Variants in ACSM1 observed in about 807,000 individuals in gnomAD.
ACSM1 encodes the protein acyl-CoA synthetase medium chain family member 1.
ACSM1 carries 79 observed loss-of-function variants against 75.8 expected under a neutral mutation model. The ratio of observed to expected loss-of-function variants is 1.04; its 90% CI spans 0.87 to 1.26. ACSM1 has a LOEUF of 1.26. Ranked by LOEUF, ACSM1 falls within the 50% of genes most tolerant of loss-of-function variation. The pLI, the probability that ACSM1 is intolerant of heterozygous loss-of-function variation, is 0.00. For missense variants in ACSM1, 676 were observed against 720.1 expected, an observed-to-expected ratio of 0.94 and a Z score of 0.70; for synonymous variants, 279 against 265.8, an observed-to-expected ratio of 1.05 and a Z score of -0.48.
chr16:20,636,619 G>T, intron 10 of ACSM1, 120 bp downstream of exon 10: 1 of 723,032 alleles, frequency 1.4e-6, no homozygotes, highest in Non-Finnish European at 2.4e-6. Context: ...CGAGTTGAAT[G>T]AAAACTCATT....
At chr16:20,650,862 G>A (rs2152236660) in intron 7 of ACSM1, among the ~76,000 whole-genome samples, 1 of 152,124 alleles carries the variant, frequency 6.6e-6, no homozygotes, top group East Asian at 1.9e-4. Flanking sequence ...GCAGACTATA[G>A]AGTACATAGC....
intron 7 of ACSM1, among the ~76,000 whole-genome samples, chr16:20,651,178 C>G (rs1422061855): frequency 6.6e-6 from 1 of 152,126 alleles, no homozygotes; most frequent in East Asian, 1.9e-4. Flanking sequence ...CTTTAATATG[C>G]AAATTTAAGA....
chr16:20,633,306 A>G (rs1225290064), intron 10 of ACSM1, among the ~76,000 whole-genome samples: 2 of 152,238 alleles, frequency 1.3e-5, no homozygotes, highest in Non-Finnish European at 2.9e-5. Flanking sequence ...CTAATACATA[A>G]ATTCAGTAAA....
At chr16:20,627,524 T>C (rs1254465050) in intron 10 of ACSM1, among the ~76,000 whole-genome samples, 2 of 152,104 alleles carry the variant, frequency 1.3e-5, no homozygotes, top group Non-Finnish European at 2.9e-5. Context: ...CCAATTTCAA[T>C]GACAATGTTT....
chr16:20,626,013 T>C (rs1425836761), intron 11 of ACSM1, among the ~76,000 whole-genome samples: 2 of 152,342 alleles, frequency 1.3e-5, no homozygotes, highest in East Asian at 1.9e-4. Context: ...TAATTGCCTT[T>C]TTTTTCTTTT....
In ACSM1 at chr16:20,634,224, G is replaced by A. The variant is rs370356302; in HGVS notation, c.1299+2515C>T. On this transcript the variant is annotated intron_variant, in intron 10 of 13. Coordinates refer to ENST00000520010, the MANE Select transcript of ACSM1 (RefSeq NM_001318890.3). ...CACATACAAAAGTTAACTCAAAATGGATCAAAAATATTCTGGTGGGTATAT... is the reference window on the plus strand; with the variant it reads ...CACATACAAAAGTTAACTCAAAATGAATCAAAAATATTCTGGTGGGTATAT... Among the ~76,000 whole-genome samples, 32 of 152,246 alleles carry A rather than the reference G, an allele frequency of 2.1e-4. No individual in the cohort carries two copies. The East Asian group carries it at 5.8e-3, about 28-fold the overall frequency.
At chr16:20,627,882 AT>A (rs2017073520) in intron 10 of ACSM1, among the ~76,000 whole-genome samples, 4 of 13,508 alleles carry the variant, frequency 3.0e-4, no homozygotes, top group African/African-American at 6.5e-4. Flanking sequence ...ATATATATAT[AT>A]ATATATATAT....
chr16:20,625,382 G>T, intron 12 of ACSM1, 41 bp downstream of exon 12: 2 of 1,591,550 alleles, frequency 1.3e-6, no homozygotes, highest in South Asian at 1.1e-5. Context: ...TGCTTTCCTA[G>T]TGCCCACGCA....
intron 7 of ACSM1, among the ~76,000 whole-genome samples, chr16:20,658,887 C>A (rs1003430643): frequency 3.9e-5 from 6 of 152,112 alleles, no homozygotes; most frequent in East Asian, 1.9e-4. Flanking sequence ...GTTGAAATAA[C>A]CCTTAATAAG....
intron 3 of ACSM1, among the ~76,000 whole-genome samples, chr16:20,684,812 T>A (rs960464501): frequency 8.6e-5 from 13 of 152,046 alleles, no homozygotes; most frequent in Non-Finnish European, 1.6e-4. Flanking sequence ...TTTAAAAAAG[T>A]AAGACTCTCT....
rs1417162759 is a variant in ACSM1, at chr16:20,627,273, T to C, written c.1343A>G (p.Tyr448Cys). The change falls in exon 11 of 14, where the codon TAC (tyrosine) becomes TGC (cysteine). Residue 448 changes from tyrosine (Y) to cysteine (C), a missense_variant. By Grantham distance (194) the Tyr-to-Cys change is radical. Coordinates refer to ENST00000520010, the MANE Select transcript of ACSM1 (RefSeq NM_001318890.3). ...CATCTTACCTCTGTCCCCAGTGTTG[T>C]AGAAGTCCCCACATTCCACTTTAGC... Reference protein sequence around the residue: ...KTAKVECGDFYNTGDRGKMDE... With the variant: ...KTAKVECGDFCNTGDRGKMDE... The C allele has an allele frequency of 3.8e-6, 6 of 1,586,818 alleles. No homozygotes were observed. The highest frequency in any genetic ancestry group is 5.1e-6 in the Non-Finnish European group (6 of 1,168,786).
At chr16:20,680,717 A>G (rs34880359) in intron 4 of ACSM1, 16,434 of 152,278 alleles carry the variant, frequency 0.11, 1,046 homozygotes, top group East Asian at 0.21. Flanking sequence ...AGAAGCACCC[A>G]GAATTACTCC....
chr16:20,670,130 A>T, intron 5 of ACSM1, 144 bp from the exon 6 acceptor site: 1 of 725,836 alleles, frequency 1.4e-6, no homozygotes, highest in Non-Finnish European at 2.3e-6. Flanking sequence ...CCCTCAGGCC[A>T]GGTCTCAAAG....
At chr16:20,668,378 G>T (rs2019693700) in intron 6 of ACSM1, among the ~76,000 whole-genome samples, 1 of 152,122 alleles carries the variant, frequency 6.6e-6, no homozygotes, top group Non-Finnish European at 1.5e-5. Flanking sequence ...GGAAGAATTA[G>T]GCATGAGGAT....
At chr16:20,691,783 G>C (rs2079656035) in intron 1 of ACSM1, among the ~76,000 whole-genome samples, 1 of 151,086 alleles carries the variant, frequency 6.6e-6, no homozygotes, top group South Asian at 2.1e-4. Context: ...GTGTGTGTGT[G>C]TGTGTGTGTG....
At position 20,625,760 on chromosome 16, in the gene ACSM1, C is replaced by T. The variant is rs563124113; in HGVS notation, c.1428-238G>A. Reference sequence around the variant, plus strand: ...CCTCACTGCCTGTACTGATGGAGGACGGCTAATGTTTTGTCTCCTCAGAGC... The same window carrying T: ...CCTCACTGCCTGTACTGATGGAGGATGGCTAATGTTTTGTCTCCTCAGAGC... On this transcript the variant is annotated intron_variant, in intron 11 of 13. Coordinates refer to ENST00000520010, the MANE Select transcript of ACSM1 (RefSeq NM_001318890.3). Among the ~76,000 whole-genome samples, 14 of 152,302 alleles carry T rather than the reference C, an allele frequency of 9.2e-5. 1 individual carries two copies. Among genetic ancestry groups the T allele is most frequent in the South Asian group, 2.1e-4 (1 of 4,826 alleles).
chr16:20,692,953 GAGGTC>G (rs928009885), intron 1 of ACSM1, among the ~76,000 whole-genome samples: 8 of 152,040 alleles, frequency 5.3e-5, no homozygotes, highest in Non-Finnish European at 8.8e-5. Flanking sequence ...GGTGGATCAT[GAGGTC>G]AGGAGTTTGA....
chr16:20,629,070 C>T (rs1189253245), intron 10 of ACSM1, among the ~76,000 whole-genome samples: 1 of 152,190 alleles, frequency 6.6e-6, no homozygotes, highest in Non-Finnish European at 1.5e-5. Flanking sequence ...ATGCTTTGAA[C>T]TCTCTGGAAG....
At chr16:20,628,925 T>C (rs2017169572) in intron 10 of ACSM1, among the ~76,000 whole-genome samples, 2 of 152,210 alleles carry the variant, frequency 1.3e-5, no homozygotes, top group Admixed American at 1.3e-4. Flanking sequence ...CCCTAAGCAA[T>C]AGCTCTTGTG....
Sources: gnomAD v4.1 joint callset for allele counts (sites outside exome capture counted in the v4.1 genomes callset) on GRCh38, gnomAD v4.1.1 for gene constraint, MANE v1.5 for transcripts, NCBI Gene and HGNC (gene_info 2026-07-23, HGNC 2026-07-21) for gene names.